MICAL2: variants seen among roughly 807,000 people sequenced by gnomAD.
MICAL2 encodes microtubule associated monooxygenase, calponin and LIM domain containing 2, also known as [F-actin]-monooxygenase MICAL2.
Under a neutral mutation model 127.3 loss-of-function variants are expected in MICAL2, and 77 were observed. The observed-to-expected ratio is 0.60, with a 90% CI of 0.50 to 0.73. The LOEUF (loss-of-function observed/expected upper bound fraction) is 0.73. Among genes scored for constraint, MICAL2 ranks in the 30% least tolerant of loss-of-function variants. The pLI, the probability that MICAL2 is intolerant of heterozygous loss-of-function variation, is 0.00. For missense variants in MICAL2, 1,351 were observed against 1,434.4 expected (o/e 0.94, Z 0.94); for synonymous variants, 570 against 551.1 (o/e 1.03, Z -0.48).
At chr11:12,292,933 G>T (rs547164887), downstream of MICAL2, among the ~76,000 whole-genome samples, 31 of 152,204 alleles carry the variant, frequency 2.0e-4, no homozygotes, top group South Asian at 6.4e-3. Context: ...TTCCCTCTTT[G>T]CCAAGGGCCA....
intron 3 of MICAL2, among the ~76,000 whole-genome samples, chr11:12,194,160 T>C (rs1469804748): frequency 6.6e-6 from 1 of 152,168 alleles, no homozygotes; most frequent in African/African-American, 2.4e-5. Flanking sequence ...TGCCTGGAGT[T>C]CTCTGGGCTA....
At chr11:12,203,528 T>C (rs1306268995) in intron 3 of MICAL2, among the ~76,000 whole-genome samples, 1 of 152,240 alleles carries the variant, frequency 6.6e-6, no homozygotes, top group Non-Finnish European at 1.5e-5. Context: ...GAGCATCTTT[T>C]CATGTACTTA....
chr11:12,342,372 G>C (rs529206741), intron 32 of MICAL2, among the ~76,000 whole-genome samples: 1 of 152,296 alleles, frequency 6.6e-6, no homozygotes, highest in African/African-American at 2.4e-5. Context: ...GATGATCTAC[G>C]CAGCCACATG....
intron 34 of MICAL2, among the ~76,000 whole-genome samples, chr11:12,355,506 C>T (rs1939115905): frequency 6.6e-6 from 1 of 152,138 alleles, no homozygotes; most frequent in Non-Finnish European, 1.5e-5. Context: ...GTTTGCAGTG[C>T]CAGATCGATG....
At chr11:12,321,987 G>A (rs142264877) in intron 30 of MICAL2, among the ~76,000 whole-genome samples, 1,554 of 152,048 alleles carry the variant, frequency 0.01, 28 homozygotes, top group African/African-American at 0.035. Context: ...AATGAAATGT[G>A]GATACTAGAT....
chr11:12,199,020 C>T (rs1450273267), intron 3 of MICAL2, among the ~76,000 whole-genome samples: 1 of 152,160 alleles, frequency 6.6e-6, no homozygotes, highest in East Asian at 1.9e-4. Context: ...CCACTGAGGT[C>T]GGGCTTCACT....
intron 15 of MICAL2, among the ~76,000 whole-genome samples, chr11:12,234,851 C>T (rs1371324831): frequency 6.6e-6 from 1 of 152,182 alleles, no homozygotes; most frequent in African/African-American, 2.4e-5. Context: ...AAGAATCCTC[C>T]TGTGATCGGG....
chr11:12,299,554 T>C (rs1270273116), intron 29 of MICAL2, among the ~76,000 whole-genome samples: 4 of 152,256 alleles, frequency 2.6e-5, no homozygotes, highest in African/African-American at 9.6e-5. Context: ...AGGCATAAAC[T>C]AATTTCAGGT....
intron 15 of MICAL2, 95 bp downstream of exon 15, chr11:12,227,226 T>G: frequency 3.4e-6 from 3 of 890,892 alleles, no homozygotes. Context: ...TTGAGGCTAG[T>G]AAGTTACATG....
chr11:12,202,252 G>A (rs1854118050), intron 3 of MICAL2, among the ~76,000 whole-genome samples: 1 of 152,072 alleles, frequency 6.6e-6, no homozygotes, highest in Non-Finnish European at 1.5e-5. Flanking sequence ...TCTTTGAAAG[G>A]GCAGTTACCT....
At chr11:12,177,441 G>A (rs11022228) in intron 3 of MICAL2, among the ~76,000 whole-genome samples, 99,384 of 152,080 alleles carry the variant, frequency 0.65, 32,515 homozygotes, top group Middle Eastern at 0.74. Flanking sequence ...CTCTCATTCT[G>A]TGGGTTATCT....
intron 32 of MICAL2, among the ~76,000 whole-genome samples, chr11:12,340,290 C>G (rs1288905631): frequency 6.6e-6 from 1 of 152,144 alleles, no homozygotes; most frequent in Non-Finnish European, 1.5e-5. Flanking sequence ...TCCAATAAAT[C>G]TGTGAAAAAG....
At chr11:12,251,132 T>C (rs1470069576) in intron 22 of MICAL2, among the ~76,000 whole-genome samples, 2 of 152,218 alleles carry the variant, frequency 1.3e-5, no homozygotes, top group African/African-American at 2.4e-5. Context: ...TGTGTGATCA[T>C]ATTTCTAGTT....
At chr11:12,325,640 G>A (rs867438411) in intron 31 of MICAL2, among the ~76,000 whole-genome samples, 4 of 152,186 alleles carry the variant, frequency 2.6e-5, no homozygotes, top group South Asian at 2.1e-4. Flanking sequence ...GTGAGTTCAC[G>A]TGAGCAGAGA....
At chr11:12,256,587 A>G (rs1020012541) in intron 23 of MICAL2, 198 bp from the exon 24 acceptor site, 73 of 514,260 alleles carry the variant, frequency 1.4e-4, no homozygotes, top group Admixed American at 2.2e-4. Context: ...AGTACAGTTA[A>G]CAGAAGCCCC....
At chr11:12,184,344 A>T (rs1285627606) in intron 3 of MICAL2, among the ~76,000 whole-genome samples, 1 of 152,148 alleles carries the variant, frequency 6.6e-6, no homozygotes, top group Non-Finnish European at 1.5e-5. Flanking sequence ...CCTGTTCACC[A>T]TTCTCCTCCT....
chr11:12,203,125 C>T (rs1344120332), intron 3 of MICAL2, among the ~76,000 whole-genome samples: 1 of 152,172 alleles, frequency 6.6e-6, no homozygotes, highest in Non-Finnish European at 1.5e-5. Context: ...GAATAATATT[C>T]CATTGTGCGG....
intron 32 of MICAL2, chr11:12,327,307 G>A (rs1336217948): frequency 6.7e-7 from 1 of 1,499,520 alleles, no homozygotes; most frequent in African/African-American, 1.4e-5. Flanking sequence ...GGCATGGTCT[G>A]AGAATAGTGC....
chr11:12,268,752 A>G (rs552559143), downstream of MICAL2, among the ~76,000 whole-genome samples: 3 of 152,152 alleles, frequency 2.0e-5, no homozygotes, highest in East Asian at 5.8e-4. Context: ...GCACTTTGGG[A>G]GGCCAAGGTG....
Sources: allele counts gnomAD v4.1 joint callset (sites outside exome capture counted in the v4.1 genomes callset), GRCh38; gene constraint gnomAD v4.1.1; transcripts MANE v1.5; gene names NCBI Gene and HGNC (gene_info 2026-07-23, HGNC 2026-07-21).